The following PASK variants were observed in gnomAD, a reference collection of about 807,000 sequenced individuals.
PASK encodes the protein PAS domain containing serine/threonine kinase.
Under a neutral mutation model 121.0 loss-of-function variants are expected in PASK, and 110 were observed. The observed-to-expected ratio is 0.91, with a 90% CI of 0.78 to 1.06. PASK has a LOEUF of 1.06. Among genes scored for constraint, PASK ranks in the 50% least tolerant of loss-of-function variants. The probability of loss-of-function intolerance (pLI) is 0.00; values close to 1 mark genes in which losing one functional copy is unlikely to be tolerated. For missense variants in PASK, 1,643 were observed against 1,702.3 expected, an observed-to-expected ratio of 0.97 and a Z score of 0.61; for synonymous variants, 686 against 717.8, an observed-to-expected ratio of 0.96 and a Z score of 0.71.
chr2:241,106,559 T>C lies in PASK; in HGVS notation c.*7A>G, dbSNP rs766771331. On this transcript the variant is annotated 3_prime_UTR_variant, in exon 18 of 18. Coordinates refer to ENST00000234040, the MANE Select transcript of PASK (RefSeq NM_015148.4). Reference sequence around the variant, plus strand: ...CCAAGTGGAGAAAAGCAGGAAGAAATTGGTGTTTAGCTGGTCAGCAGACGG... The same window carrying C: ...CCAAGTGGAGAAAAGCAGGAAGAAACTGGTGTTTAGCTGGTCAGCAGACGG... 2.9e-5 allele frequency: 47 copies of C among 1,613,714 alleles called. No homozygotes were observed. The East Asian group carries it at 8.9e-4, about 31-fold the overall frequency.
At position 241,142,932 on chromosome 2, in the gene PASK, G is replaced by A. The variant is rs1373310444; in HGVS notation, c.101C>T (p.Thr34Ile). 3.1e-6 allele frequency: 5 copies of A among 1,613,808 alleles called. No homozygotes were observed. ...GGAAAACGACCTGCTGGGCTCAGCA[G>A]TGGTCTGTGCAGCTGGGCCCTCTGC... is the stretch of plus-strand genomic sequence containing the variant. ...VSAEGPAAQT[T>I]AEPSRSFSSA... The change falls in exon 2 of 18, where the codon ACT becomes ATT. Residue 34 changes from threonine to isoleucine, a missense_variant. By Grantham distance (89) the Thr-to-Ile change is moderately conservative. Coordinates refer to ENST00000234040, the MANE Select transcript of PASK (RefSeq NM_015148.4).
chr2:241,122,704 C>A (rs373543998), intron 12 of PASK, 28 bp downstream of exon 12: 31 of 1,608,834 alleles, frequency 1.9e-5, no homozygotes, highest in Middle Eastern at 1.6e-4. Flanking sequence ...TGGTGCCCGG[C>A]GCCACTCCCC....
Position 241,112,770 on chromosome 2 carries a change from A to C in PASK, c.3334-331T>G, listed in dbSNP as rs1575230336. ...CACACCATGCCTATTTCAGGAGGAA[A>C]GACAGGCCACAAAGCCACAGCTCAA... is the stretch of plus-strand genomic sequence containing the variant. On this transcript the variant is annotated intron_variant, in intron 14 of 17. Coordinates refer to ENST00000234040, the MANE Select transcript of PASK (RefSeq NM_015148.4). This position sits in a 1 kb window ranked among gnomAD's most constrained non-coding sequence, Gnocchi z 5.2. 3 of 330,016 alleles carry C rather than the reference A, an allele frequency of 9.1e-6. No individual in the cohort carries two copies. In the East Asian group the frequency reaches 2.5e-4, roughly 27 times the overall value. 20.4% of individuals were successfully genotyped at this position (330,016 alleles called of 1,614,324 possible).
At chr2:241,140,454 T>C (rs1030729129) in intron 3 of PASK, 67 bp downstream of exon 3, 1 of 1,157,704 alleles carries the variant, frequency 8.6e-7, no homozygotes, top group Non-Finnish European at 1.3e-6. Context: ...AACACACAAA[T>C]CCCAGGTTTA....
rs1300558862 is a variant in PASK, at chr2:241,131,935, T to TC, written c.1463+938dup. 9.3e-5 allele frequency among the ~76,000 whole-genome samples: 14 copies of TC among 151,268 alleles called. 1 individual carries two copies. The highest frequency in any genetic ancestry group is 2.9e-4 in the African/African-American group (12 of 41,178). ...CGGGCGTGGTGGCAGGTGCCTGTAG[T>TC]CTCAGCTACTCAGGAGGCTGAGGCA... is the stretch of plus-strand genomic sequence containing the variant. On this transcript the variant is annotated intron_variant, in intron 9 of 17. Coordinates refer to ENST00000234040, the MANE Select transcript of PASK (RefSeq NM_015148.4).
intron 4 of PASK, among the ~76,000 whole-genome samples, 170 bp from the exon 5 acceptor site, chr2:241,138,964 C>T (rs966676599): frequency 2.0e-5 from 3 of 152,240 alleles, no homozygotes; most frequent in African/African-American, 7.2e-5. Flanking sequence ...ATTTCCCATA[C>T]TGAACATTAA....
At chr2:241,121,444 T>C (rs1023219061) in intron 12 of PASK, among the ~76,000 whole-genome samples, 6 of 151,068 alleles carry the variant, frequency 4.0e-5, no homozygotes, top group African/African-American at 1.5e-4. Flanking sequence ...GTAGGAAAAA[T>C]AGAGGGGAAA....
chr2:241,136,402 A>G (rs1202575344), intron 7 of PASK, among the ~76,000 whole-genome samples: 1 of 152,196 alleles, frequency 6.6e-6, no homozygotes, highest in Non-Finnish European at 1.5e-5. Context: ...AGTGACATGC[A>G]CCCAGGACAG....
intron 14 of PASK, chr2:241,113,582 GATATATACAA>G (rs2065201535): frequency 1.1e-5 from 3 of 268,162 alleles, no homozygotes; most frequent in Non-Finnish European, 1.7e-5. Context: ...TATATATGTA[GATATATACAA>G]ATCAGTCAGG....
Position 241,127,787 on chromosome 2 carries a change from C to G in PASK, c.1464-336G>C, listed in dbSNP as rs568630250. ...GCCGTGCAGCCTAGCCTCGGCCCCA[C>G]CTGCAAGGGGAAGTCCGTGCTGCTG... On this transcript the variant is annotated intron_variant, in intron 9 of 17. Coordinates refer to ENST00000234040, the MANE Select transcript of PASK (RefSeq NM_015148.4). 3.1e-5 allele frequency: 12 copies of G among 383,124 alleles called. No individual in the cohort carries two copies. In the East Asian group the frequency reaches 7.2e-4, roughly 23 times the overall value. The allele number at this position is 383,124 out of a possible 1,614,324, so 23.7% of individuals were successfully genotyped here.
chr2:241,149,597 T>C, upstream of PASK: 9 of 1,504,794 alleles, frequency 6.0e-6, no homozygotes, highest in Non-Finnish European at 7.1e-6. Context: ...TAAGGGTTGC[T>C]AGGGACGCAC....
chr2:241,149,767 C>T, upstream of PASK: 6 of 1,538,412 alleles, frequency 3.9e-6, no homozygotes, highest in Non-Finnish European at 5.2e-6. Flanking sequence ...GGACGCGGGG[C>T]GGCTCGTTCA....
chr2:241,133,235 C>T (rs2066250996), intron 8 of PASK: 1 of 639,734 alleles, frequency 1.6e-6, no homozygotes, highest in Non-Finnish European at 2.8e-6. Flanking sequence ...CACCTGCAGC[C>T]AGCTACCATG....
chr2:241,115,471 T>C (rs2065288876), intron 12 of PASK, 58 bp from the exon 13 acceptor site: 1 of 1,603,874 alleles, frequency 6.2e-7, no homozygotes, highest in Non-Finnish European at 8.5e-7. Flanking sequence ...AGCATCCCAT[T>C]GCACCAGGGC....
rs139288779 is a variant in PASK, at chr2:241,140,047, A to G, written c.438T>C (p.Val146=). Reference sequence around the variant, plus strand: ...GGAGCCCGCAAGCTTTGTCGTTAGCAACCAGGATCTGAGGAATCACAAAGA... The same window carrying G: ...GGAGCCCGCAAGCTTTGTCGTTAGCGACCAGGATCTGAGGAATCACAAAGA... The part of the protein sequence containing the change: ...TVDAKTTEIL[V]ANDKACGLLG... The change falls in exon 4 of 18, where the codon GTT becomes GTC. Residue 146 remains valine, a synonymous_variant. Coordinates refer to ENST00000234040, the MANE Select transcript of PASK (RefSeq NM_015148.4). 6.2e-7 allele frequency: 1 copy of G among 1,613,868 alleles called. No homozygotes were observed. The highest frequency in any genetic ancestry group is 1.3e-5 in the African/African-American group (1 of 75,054).
intron 8 of PASK, among the ~76,000 whole-genome samples, chr2:241,135,277 C>T (rs2066354164): frequency 6.6e-6 from 1 of 152,158 alleles, no homozygotes; most frequent in Admixed American, 6.5e-5. Context: ...TTAGGAATTG[C>T]AGTCAACCCT....
At chr2:241,119,970 G>A (rs916132711) in intron 12 of PASK, among the ~76,000 whole-genome samples, 2 of 152,048 alleles carry the variant, frequency 1.3e-5, no homozygotes, top group Non-Finnish European at 2.9e-5. Flanking sequence ...TAAGCAGAAA[G>A]TCCTTACCTC....
At position 241,122,919 on chromosome 2, in the gene PASK, C is replaced by A; in HGVS notation, c.2905-20G>T. ...GAGCACCTGCAATGCAGAAGAAGGT[C>A]TGTGGGGTCACATGCAACTGCACCG... On this transcript the variant is annotated intron_variant, in intron 11 of 17. Coordinates refer to ENST00000234040, the MANE Select transcript of PASK (RefSeq NM_015148.4). The A allele has an allele frequency of 6.2e-7, 1 of 1,612,810 alleles. No homozygotes were observed. The highest frequency in any genetic ancestry group is 1.1e-5 in the South Asian group (1 of 90,946).
In PASK at chr2:241,112,404, G is replaced by A. The variant is rs937787651; in HGVS notation, c.3369C>T (p.Asp1123=). The A allele has an allele frequency of 6.2e-6, 10 of 1,613,558 alleles. No homozygotes were observed. The African/African-American group carries it at 1.3e-4, about 22-fold the overall frequency. ...VSAVGYLRLK[D]IIHRDIKDEN... ...CATCCTTGATGTCACGGTGGATGAT[G>A]TCCTTCAAGCGCAGGTATCCCACTG... Residue 1123 remains aspartate, a synonymous_variant, in exon 15 of 18, where the codon GAC becomes GAT. Coordinates refer to ENST00000234040, the MANE Select transcript of PASK (RefSeq NM_015148.4). The surrounding 1 kb of genome is among the most constrained non-coding windows in gnomAD (Gnocchi z 5.2).
Sources: allele counts gnomAD v4.1 joint callset (sites outside exome capture counted in the v4.1 genomes callset), GRCh38; gene constraint gnomAD v4.1.1; non-coding constraint Gnocchi (gnomAD v3.1); transcripts MANE v1.5; gene names NCBI Gene and HGNC (gene_info 2026-07-23, HGNC 2026-07-21).